SLC12A2: variants seen among roughly 807,000 people sequenced by gnomAD.
The protein encoded by SLC12A2 is solute carrier family 12 member 2.
A neutral mutation model predicts 136.3 loss-of-function variants in SLC12A2; 67 were observed. The observed-to-expected ratio is 0.49, with a 90% CI of 0.40 to 0.60. The LOEUF (loss-of-function observed/expected upper bound fraction) is 0.60, where lower values mean the gene tolerates loss of function less well. Among genes scored for constraint, SLC12A2 ranks in the 20% least tolerant of loss-of-function variants. The pLI is 0.00. For synonymous variants in SLC12A2, 619 were observed against 562.9 expected (o/e 1.10, Z -1.41); for missense variants, 1,322 against 1,534.7 (o/e 0.86, Z 2.32).
Position 128,083,930 on chromosome 5 carries a change from C to T in SLC12A2, c.-25C>T. The T allele has an allele frequency of 8.2e-7, 1 of 1,224,642 alleles. No individual in the cohort carries two copies. Among genetic ancestry groups the T allele is most frequent in the African/African-American group, 1.6e-5 (1 of 63,754 alleles). 75.9% of individuals were successfully genotyped at this position (1,224,642 alleles called of 1,614,324 possible). On this transcript the variant is annotated 5_prime_UTR_variant, in exon 1 of 27. Coordinates refer to ENST00000262461, the MANE Select transcript of SLC12A2 (RefSeq NM_001046.3). Reference sequence around the variant, plus strand: ...TGCCGGAGACGTCCGCCGGGCTCTGCAGTTCCGCCGGGGGTCGGGCAGCTA... The same window carrying T: ...TGCCGGAGACGTCCGCCGGGCTCTGTAGTTCCGCCGGGGGTCGGGCAGCTA...
intron 1 of SLC12A2, among the ~76,000 whole-genome samples, chr5:128,106,928 C>T (rs902558290): frequency 1.3e-5 from 2 of 151,846 alleles, no homozygotes; most frequent in African/African-American, 4.8e-5. Flanking sequence ...AGAGAGATGC[C>T]TTTTTGTGTA....
intron 4 of SLC12A2, among the ~76,000 whole-genome samples, chr5:128,128,662 A>C (rs1161210835): frequency 1.3e-5 from 2 of 152,000 alleles, no homozygotes; most frequent in African/African-American, 4.8e-5. Context: ...CCTGAGCTGT[A>C]ATTTTCTCAT....
intron 10 of SLC12A2, among the ~76,000 whole-genome samples, chr5:128,145,870 T>C (rs1367340968): frequency 6.6e-6 from 1 of 151,998 alleles, no homozygotes; most frequent in Admixed American, 6.6e-5. Context: ...ATGTTCTTAG[T>C]CAATATAAAT....
intron 6 of SLC12A2, among the ~76,000 whole-genome samples, chr5:128,134,976 A>G (rs915132024): frequency 6.6e-6 from 1 of 152,126 alleles, no homozygotes; most frequent in Non-Finnish European, 1.5e-5. Flanking sequence ...TTGTAAAGTC[A>G]TATTAGTGTA....
At chr5:128,142,803 G>A (rs1762415920) in intron 10 of SLC12A2, among the ~76,000 whole-genome samples, 1 of 151,756 alleles carries the variant, frequency 6.6e-6, no homozygotes, top group African/African-American at 2.4e-5. Flanking sequence ...TAGTTCCTTG[G>A]TCTTTCCATA....
At chr5:128,160,238 G>C (rs1462129882) in intron 16 of SLC12A2, among the ~76,000 whole-genome samples, 3 of 152,098 alleles carry the variant, frequency 2.0e-5, no homozygotes, top group Non-Finnish European at 4.4e-5. Flanking sequence ...GGGCCTGTTG[G>C]GAGGTGGGGG....
chr5:128,168,322 ATTAAG>A (rs1254259474), intron 18 of SLC12A2: 3 of 152,448 alleles, frequency 2.0e-5, no homozygotes, highest in Non-Finnish European at 2.9e-5. Context: ...TGGTTCATTC[ATTAAG>A]TTATTTACAT....
At chr5:128,112,206 G>T (rs1761174154) in intron 1 of SLC12A2, among the ~76,000 whole-genome samples, 1 of 152,092 alleles carries the variant, frequency 6.6e-6, no homozygotes, top group South Asian at 2.1e-4. Context: ...AGGAAACACT[G>T]GTTGTCAAAT....
chr5:128,163,590 C>T (rs1330554075), intron 17 of SLC12A2, among the ~76,000 whole-genome samples: 3 of 151,472 alleles, frequency 2.0e-5, no homozygotes, highest in Admixed American at 1.3e-4. Flanking sequence ...TCGGAAGTAA[C>T]AACCATCAAT....
intron 5 of SLC12A2, among the ~76,000 whole-genome samples, chr5:128,133,048 T>TA (rs1762077809): frequency 6.6e-6 from 1 of 152,118 alleles, no homozygotes; most frequent in African/African-American, 2.4e-5. Flanking sequence ...AGTCAATAGA[T>TA]ACATTTACAC....
At chr5:128,184,259 A>G in intron 24 of SLC12A2, 107 bp from the exon 25 acceptor site, 2 of 703,494 alleles carry the variant, frequency 2.8e-6, no homozygotes, top group South Asian at 4.8e-5. Context: ...GAGGAGCGTA[A>G]TAAATGAGAG....
At chr5:128,161,893 T>C (rs1763051115) in intron 17 of SLC12A2, 93 bp downstream of exon 17, 1 of 877,020 alleles carries the variant, frequency 1.1e-6, no homozygotes, top group African/African-American at 1.8e-5. Context: ...TTCATACTAA[T>C]AAAAATGGCA....
chr5:128,148,347 C>T (rs1430693092), intron 11 of SLC12A2, among the ~76,000 whole-genome samples: 1 of 151,708 alleles, frequency 6.6e-6, no homozygotes, highest in Non-Finnish European at 1.5e-5. Flanking sequence ...TTAAGACAGA[C>T]TTTAGTAATG....
chr5:128,149,901 G>T (rs899472567), intron 12 of SLC12A2, 96 bp from the exon 13 acceptor site: 3 of 807,100 alleles, frequency 3.7e-6, no homozygotes, highest in East Asian at 2.5e-5. Context: ...TGGTTATGGG[G>T]TGTTACGTTG....
At chr5:128,163,948 A>C (rs1275013738) in intron 17 of SLC12A2, among the ~76,000 whole-genome samples, 1 of 152,184 alleles carries the variant, frequency 6.6e-6, no homozygotes, top group Non-Finnish European at 1.5e-5. Flanking sequence ...TTTAGGTAGA[A>C]TGCTACACTG....
At chr5:128,118,912 A>G (rs191502038) in intron 4 of SLC12A2, among the ~76,000 whole-genome samples, 1 of 152,326 alleles carries the variant, frequency 6.6e-6, no homozygotes, top group East Asian at 1.9e-4. Context: ...AGAAAATTCC[A>G]GACTGGGAAT....
In SLC12A2 at chr5:128,186,593, C is replaced by T; in HGVS notation, c.3601C>T (p.Arg1201Cys). Residue 1201 changes from arginine (R) to cysteine (C), a missense_variant, in exon 27 of 27, where the codon CGT (arginine) becomes TGT (cysteine). Around this residue, in one of 8 missense-constraint regions of SLC12A2, gnomAD observed 172 missense variants for 227.4 expected, o/e 0.76. Coordinates refer to ENST00000262461, the MANE Select transcript of SLC12A2 (RefSeq NM_001046.3). ...GGACCTACCACCAATCCTCCTAGTT[C>T]GTGGGAATCATCAGAGTGTCCTTAC... ...SKDLPPILLV[R>C]GNHQSVLTFY... 3 of 1,613,730 alleles carry T rather than the reference C, an allele frequency of 1.9e-6. No homozygotes were observed. Among genetic ancestry groups the T allele is most frequent in the Non-Finnish European group, 2.5e-6 (3 of 1,179,896 alleles).
intron 19 of SLC12A2, among the ~76,000 whole-genome samples, chr5:128,173,126 G>C (rs184997748): frequency 6.6e-6 from 1 of 152,010 alleles, no homozygotes; most frequent in Admixed American, 6.6e-5. Context: ...GCCTAAATAC[G>C]TAAGAGGTAT....
chr5:128,148,944 T>G, intron 12 of SLC12A2, 67 bp downstream of exon 12: 1 of 1,289,548 alleles, frequency 7.8e-7, no homozygotes, highest in Non-Finnish European at 1.1e-6. Flanking sequence ...GTTGAATTAT[T>G]AAATTATTAA....
Sources: gnomAD v4.1 joint callset for allele counts (sites outside exome capture counted in the v4.1 genomes callset) on GRCh38, gnomAD v4.1.1 for gene constraint, gnomAD v4.1.1 regional missense constraint, MANE v1.5 for transcripts, NCBI Gene and HGNC (gene_info 2026-07-23, HGNC 2026-07-21) for gene names.